Variants in CIMIP4 observed in about 807,000 individuals in gnomAD.
CIMIP4 encodes protein EAN57.
the CIMIP4 span, chr22:36,991,295 G>A: frequency 1.2e-5 from 19 of 1,613,392 alleles, no homozygotes; most frequent in Non-Finnish European, 1.4e-5. Flanking sequence ...AGCAGGAGAA[G>A]AGCCAGCACA....
At chr22:36,993,852 T>C in the CIMIP4 span, among the ~76,000 whole-genome samples, 5 of 152,286 alleles carry the variant, frequency 3.3e-5, no homozygotes, top group East Asian at 7.7e-4. Context: ...ATTAAACCCA[T>C]TCGTTAAAAA....
the CIMIP4 span, among the ~76,000 whole-genome samples, chr22:37,000,605 G>A: frequency 6.6e-6 from 1 of 152,222 alleles, no homozygotes; most frequent in Non-Finnish European, 1.5e-5. Context: ...CATGTAAAAT[G>A]TGAAGGCAGG....
At chr22:37,001,863 C>A in the CIMIP4 span, 1 of 1,603,442 alleles carries the variant, frequency 6.2e-7, no homozygotes, top group Non-Finnish European at 8.5e-7. Flanking sequence ...AGCTGGTCCA[C>A]CACATTGCTC....
At chr22:37,002,038 C>T in the CIMIP4 span, 18 of 1,610,228 alleles carry the variant, frequency 1.1e-5, no homozygotes, top group South Asian at 4.4e-5. Context: ...ATCGAGAGCC[C>T]GCATTCTTCA....
chr22:36,991,662 G>T, the CIMIP4 span: 3 of 1,237,772 alleles, frequency 2.4e-6, no homozygotes, highest in Middle Eastern at 1.9e-4. Context: ...GCTTATATTG[G>T]GTGTCAGTTT....
At chr22:36,994,631 T>A in the CIMIP4 span, among the ~76,000 whole-genome samples, 2 of 35,462 alleles carry the variant, frequency 5.6e-5, no homozygotes, top group Non-Finnish European at 1.3e-4. Context: ...CCTCCTGAGA[T>A]TTTTTTTTTT....
At chr22:37,003,316 A>C in the CIMIP4 span, among the ~76,000 whole-genome samples, 2 of 152,186 alleles carry the variant, frequency 1.3e-5, no homozygotes, top group African/African-American at 4.8e-5. Context: ...TCATTGGAGG[A>C]AGATTTTAGC....
the CIMIP4 span, chr22:37,007,611 G>T: frequency 6.6e-6 from 1 of 152,254 alleles, no homozygotes; most frequent in Admixed American, 6.5e-5. Context: ...GTCAAAGAGG[G>T]CGGGAAGGTA....
chr22:36,991,472 C>T, the CIMIP4 span: 1 of 1,613,686 alleles, frequency 6.2e-7, no homozygotes, highest in Non-Finnish European at 8.5e-7. Flanking sequence ...CCCGCAGCTC[C>T]TCACTTACCC....
chr22:36,993,468 A>G, the CIMIP4 span, among the ~76,000 whole-genome samples: 1 of 152,066 alleles, frequency 6.6e-6, no homozygotes, highest in Non-Finnish European at 1.5e-5. Context: ...AAAATAAGAA[A>G]GCTGATGTAA....
At chr22:37,002,155 G>T in the CIMIP4 span, 1 of 1,519,752 alleles carries the variant, frequency 6.6e-7, no homozygotes, top group South Asian at 1.3e-5. Flanking sequence ...TGCCTTGAGC[G>T]CTGGCTCCCA....
chr22:36,999,805 G>A, the CIMIP4 span: 2 of 1,594,602 alleles, frequency 1.3e-6, no homozygotes, highest in East Asian at 2.2e-5. Flanking sequence ...GAGACCATGG[G>A]TGTTCACGGC....
At chr22:36,993,601 C>G in the CIMIP4 span, among the ~76,000 whole-genome samples, 1 of 151,020 alleles carries the variant, frequency 6.6e-6, no homozygotes, top group Non-Finnish European at 1.5e-5. Flanking sequence ...TTGTGGCAGG[C>G]GCCTGTAGTC....
At chr22:37,002,543 C>T in the CIMIP4 span, among the ~76,000 whole-genome samples, 218 of 152,236 alleles carry the variant, frequency 1.4e-3, 2 homozygotes, top group African/African-American at 5.0e-3. Flanking sequence ...GTGCCTCCCA[C>T]GGGCAGGGTT....
chr22:36,993,636 G>A, the CIMIP4 span, among the ~76,000 whole-genome samples: 1 of 151,958 alleles, frequency 6.6e-6, no homozygotes, highest in Non-Finnish European at 1.5e-5. Flanking sequence ...GGCTGAGGCA[G>A]GAGAATGGCG....
chr22:37,002,245 G>A, the CIMIP4 span: 4 of 1,449,540 alleles, frequency 2.8e-6, no homozygotes, highest in Non-Finnish European at 3.6e-6. Context: ...CTTTCCAGGG[G>A]TCCAAGTCCT....
the CIMIP4 span, among the ~76,000 whole-genome samples, chr22:37,003,510 C>T: frequency 6.6e-6 from 1 of 152,220 alleles, no homozygotes; most frequent in Non-Finnish European, 1.5e-5. Context: ...AAAGTGCCAG[C>T]CGTCTCTCCC....
chr22:37,002,354 A>G, the CIMIP4 span: 1 of 553,440 alleles, frequency 1.8e-6, no homozygotes, highest in South Asian at 6.4e-5. Context: ...CACGCAGACA[A>G]GGGCAGAAAG....
chr22:36,991,685 G>A, the CIMIP4 span: 1 of 1,035,556 alleles, frequency 9.7e-7, no homozygotes, highest in East Asian at 2.4e-5. Context: ...TCTACGGATG[G>A]TAAATTGTGG....
Sources: allele counts gnomAD v4.1 joint callset (sites outside exome capture counted in the v4.1 genomes callset), GRCh38; gene constraint gnomAD v4.1.1; transcripts MANE v1.5; gene names NCBI Gene and HGNC (gene_info 2026-07-23, HGNC 2026-07-21).